SLC39A11: variants seen among roughly 807,000 people sequenced by gnomAD.
SLC39A11 encodes zinc transporter ZIP11.
Under a neutral mutation model 36.1 loss-of-function variants are expected in SLC39A11, and 33 were observed. That is an observed-to-expected ratio of 0.91 (90% confidence interval 0.69 to 1.22). The LOEUF (loss-of-function observed/expected upper bound fraction) is 1.22, where lower values mean the gene tolerates loss of function less well. SLC39A11 is among the 50% of genes most tolerant of loss of function. SLC39A11 has a pLI of 0.00. For missense variants in SLC39A11, 432 were observed against 430.3 expected, an observed-to-expected ratio of 1.00 and a Z score of -0.03; for synonymous variants, 166 against 170.3, an observed-to-expected ratio of 0.97 and a Z score of 0.20.
At chr17:72,794,353 G>A (rs768384366) in intron 6 of SLC39A11, among the ~76,000 whole-genome samples, 10 of 152,092 alleles carry the variant, frequency 6.6e-5, no homozygotes, top group South Asian at 2.1e-4. Context: ...GCCAGCGAGC[G>A]CGGTGAGGAC....
intron 6 of SLC39A11, among the ~76,000 whole-genome samples, chr17:72,804,650 T>C (rs946528004): frequency 4.6e-5 from 7 of 152,198 alleles, no homozygotes; most frequent in Admixed American, 4.6e-4. Context: ...TCTGGTCCTG[T>C]CTCTGCCATG....
chr17:72,859,345 G>T (rs2079827529), intron 5 of SLC39A11, among the ~76,000 whole-genome samples: 1 of 104,114 alleles, frequency 9.6e-6, no homozygotes, highest in African/African-American at 6.0e-5. Flanking sequence ...TTGTTTTAGT[G>T]TAAGTATTCC....
At chr17:72,718,962 G>C (rs1179010566) in intron 7 of SLC39A11, among the ~76,000 whole-genome samples, 1 of 152,024 alleles carries the variant, frequency 6.6e-6, no homozygotes, top group Admixed American at 6.5e-5. Flanking sequence ...GAATCTACCA[G>C]GTTCAGTGGC....
chr17:72,795,211 C>A (rs76156475), intron 6 of SLC39A11, among the ~76,000 whole-genome samples: 1 of 152,006 alleles, frequency 6.6e-6, no homozygotes. Context: ...AGCTGGATGG[C>A]CCTGGCTCGG....
intron 3 of SLC39A11, among the ~76,000 whole-genome samples, chr17:73,082,116 T>TAAAA (rs1462631665): frequency 7.3e-4 from 59 of 80,344 alleles, no homozygotes; most frequent in African/African-American, 1.2e-3. Flanking sequence ...CTACTGAAAC[T>TAAAA]AAAAAAAAAG....
chr17:72,680,258 C>T (rs1252319299), intron 7 of SLC39A11, among the ~76,000 whole-genome samples: 2 of 152,098 alleles, frequency 1.3e-5, no homozygotes, highest in East Asian at 3.9e-4. Flanking sequence ...CCCTACCGCC[C>T]TCAGCTCCTG....
chr17:72,880,305 A>C (rs1299800335), intron 5 of SLC39A11, among the ~76,000 whole-genome samples: 1 of 152,200 alleles, frequency 6.6e-6, no homozygotes, highest in African/African-American at 2.4e-5. Context: ...ATGGTGGCTC[A>C]TGCCTGTAAT....
chr17:72,663,727 T>C (rs1038770941), intron 7 of SLC39A11: 7 of 152,126 alleles, frequency 4.6e-5, no homozygotes, highest in Admixed American at 1.3e-4. Flanking sequence ...GGGTATTGCC[T>C]CAGGATATGA....
intron 6 of SLC39A11, among the ~76,000 whole-genome samples, chr17:72,804,707 A>G (rs1298087015): frequency 6.6e-6 from 1 of 152,198 alleles, no homozygotes; most frequent in Non-Finnish European, 1.5e-5. Context: ...CTTGATCTGT[A>G]AAGTGGGCAC....
chr17:73,032,068 G>A lies in SLC39A11; in HGVS notation c.148-354C>T, dbSNP rs79553308. ...TTTTAGCTGTCACACTGGGAGGAGC[G>A]TAGGGGGAGGTTGCTACTGGCATCT... is the stretch of plus-strand genomic sequence containing the variant. On this transcript the variant is annotated intron_variant, in intron 3 of 9. Coordinates refer to ENST00000255559, the MANE Select transcript of SLC39A11 (RefSeq NM_139177.4). 5.0e-3 allele frequency among the ~76,000 whole-genome samples: 754 copies of A among 152,306 alleles called. 6 individuals carry two copies. The highest frequency in any genetic ancestry group is 0.017 in the African/African-American group (705 of 41,564).
chr17:72,665,515 G>A (rs1255644786), intron 7 of SLC39A11, among the ~76,000 whole-genome samples: 1 of 148,170 alleles, frequency 6.7e-6, no homozygotes, highest in Admixed American at 6.9e-5. Context: ...CTCAGCCTCT[G>A]AAGACCAAGG....
At chr17:72,676,398 A>C (rs2071263317) in intron 7 of SLC39A11, among the ~76,000 whole-genome samples, 1 of 152,098 alleles carries the variant, frequency 6.6e-6, no homozygotes, top group African/African-American at 2.4e-5. Flanking sequence ...CCAAGAGCAA[A>C]TGGGATCTGT....
At chr17:72,972,942 AG>A (rs2087563740) in intron 4 of SLC39A11, among the ~76,000 whole-genome samples, 1 of 151,998 alleles carries the variant, frequency 6.6e-6, no homozygotes, top group Non-Finnish European at 1.5e-5. Flanking sequence ...TAGGTCAGGC[AG>A]GAAGGAAAAG....
chr17:72,651,651 G>A (rs952291612), intron 7 of SLC39A11, among the ~76,000 whole-genome samples: 6 of 152,206 alleles, frequency 3.9e-5, no homozygotes, highest in African/African-American at 1.4e-4. Context: ...GACTGGCTGG[G>A]GGTGGGAAAC....
At chr17:73,072,842 C>A (rs747819919) in intron 3 of SLC39A11, among the ~76,000 whole-genome samples, 2 of 152,214 alleles carry the variant, frequency 1.3e-5, no homozygotes, top group African/African-American at 2.4e-5. Flanking sequence ...TTTGCCAATG[C>A]ACAGCGGTTT....
chr17:72,728,241 G>A (rs891026200), intron 7 of SLC39A11, among the ~76,000 whole-genome samples: 1 of 152,162 alleles, frequency 6.6e-6, no homozygotes, highest in Non-Finnish European at 1.5e-5. Context: ...GAGCTTAGGA[G>A]TTGGAGGCCA....
intron 7 of SLC39A11, among the ~76,000 whole-genome samples, chr17:72,677,561 T>A (rs781139067): frequency 2.1e-5 from 3 of 143,638 alleles, no homozygotes; most frequent in Non-Finnish European, 4.6e-5. Context: ...TTAAATGGCA[T>A]GTTTTTAACA....
At chr17:72,972,806 C>T (rs2087554178) in intron 4 of SLC39A11, among the ~76,000 whole-genome samples, 5 of 152,188 alleles carry the variant, frequency 3.3e-5, no homozygotes. Flanking sequence ...TCACTGTGGT[C>T]ATCACATTTA....
intron 5 of SLC39A11, among the ~76,000 whole-genome samples, chr17:72,947,104 T>C (rs919679209): frequency 6.6e-6 from 1 of 152,198 alleles, no homozygotes; most frequent in South Asian, 2.1e-4. Flanking sequence ...GCAGATCACC[T>C]GAAGTCAGGA....
Sources: allele counts gnomAD v4.1 joint callset (sites outside exome capture counted in the v4.1 genomes callset), GRCh38; gene constraint gnomAD v4.1.1; transcripts MANE v1.5; gene names NCBI Gene and HGNC (gene_info 2026-07-23, HGNC 2026-07-21).